Variants in RLIM observed in about 807,000 individuals in gnomAD.
RLIM encodes the protein ring finger protein, LIM domain interacting.
In RLIM, 2 loss-of-function variants were observed where a neutral mutation model predicts 34.0. The observed-to-expected ratio is 0.06, with a 90% CI of 0.02 to 0.19. The LOEUF (loss-of-function observed/expected upper bound fraction) is 0.19. RLIM is among the 10% of genes least tolerant of loss of function. RLIM has a pLI of 1.00. For missense variants in RLIM, 286 were observed against 479.7 expected (o/e 0.60, Z 3.77); for synonymous variants, 169 against 164.0 (o/e 1.03, Z -0.23).
At chrX:74,599,486 C>T (rs906791704) in intron 1 of RLIM, among the ~76,000 whole-genome samples, 2 of 111,901 alleles carry the variant, frequency 1.8e-5, no homozygotes, top group East Asian at 5.6e-4. Context: ...CCCTCAAATT[C>T]ACATGTTGAA....
intron 2 of RLIM, among the ~76,000 whole-genome samples, chrX:74,595,298 A>C (rs1249979027): frequency 8.9e-6 from 1 of 111,988 alleles, no homozygotes; most frequent in African/African-American, 3.2e-5. Flanking sequence ...AAGTAGAATT[A>C]AACAGAAATG....
At chrX:74,612,471 A>T (rs532267409) in intron 1 of RLIM, 12 of 111,632 alleles carry the variant, frequency 1.1e-4, no homozygotes, top group Non-Finnish European at 2.3e-4. Flanking sequence ...ACCATCTAAC[A>T]TCTATCAATG....
In RLIM at chrX:74,588,874, G is replaced by C. The variant is rs1000923789; in HGVS notation, c.*2566C>G. The C allele has an allele frequency of 8.9e-6, 1 of 112,066 alleles. No individual in the cohort carries two copies. Among genetic ancestry groups the C allele is most frequent in the Non-Finnish European group, 1.9e-5 (1 of 53,242 alleles). 9.2% of individuals were successfully genotyped at this position (112,066 alleles called of 1,213,427 possible). A position where few individuals can be genotyped will look rare whatever the true frequency, so the allele number is the denominator to read the frequency against. On this transcript the variant is annotated 3_prime_UTR_variant, in exon 4 of 4. Coordinates refer to ENST00000332687, the MANE Select transcript of RLIM (RefSeq NM_016120.4). ...CTTGTCTTCAATGTCCACAACACTA[G>C]TAAGCATGTAATAATCACGGACATC...
rs1055412493 is a variant in RLIM, at chrX:74,602,863, A to C, written c.-23-6863T>G. ...AAAAATGGACACAATTACCATCTTCAAATATTTAGAGAGGAATAACATGAA... is the reference window on the plus strand; with the variant it reads ...AAAAATGGACACAATTACCATCTTCCAATATTTAGAGAGGAATAACATGAA... On this transcript the variant is annotated intron_variant, in intron 1 of 3. Coordinates refer to ENST00000332687, the MANE Select transcript of RLIM (RefSeq NM_016120.4). Among the ~76,000 whole-genome samples the C allele has an allele frequency of 2.7e-5, 3 of 111,486 alleles. No individual in the cohort carries two copies. The Admixed American group carries it at 2.9e-4, about 11-fold the overall frequency.
intron 1 of RLIM, among the ~76,000 whole-genome samples, chrX:74,598,506 C>T (rs1036312678): frequency 6.4e-5 from 7 of 109,954 alleles, no homozygotes; most frequent in Admixed American, 1.9e-4. Context: ...TTGCCAGGCG[C>T]GGTGGCTCAC....
rs1174330017 is a variant in RLIM, at chrX:74,590,543, G to T, written c.*897C>A. On this transcript the variant is annotated 3_prime_UTR_variant, in exon 4 of 4. Coordinates refer to ENST00000332687, the MANE Select transcript of RLIM (RefSeq NM_016120.4). ...CTTTCCTTTGCATGTCACAGTAGCT[G>T]TTCACACATTAAATATTATAGATAT... 3.6e-5 allele frequency: 4 copies of T among 112,396 alleles called. No homozygotes were observed. The highest frequency in any genetic ancestry group is 7.5e-5 in the Non-Finnish European group (4 of 53,263). The allele number at this position is 112,396 out of a possible 1,213,427, so 9.3% of individuals were successfully genotyped here. A position where few individuals can be genotyped will look rare whatever the true frequency, so the allele number is the denominator to read the frequency against.
Position 74,592,654 on chromosome X carries a change from T to A in RLIM, c.661A>T (p.Thr221Ser). The change falls in exon 4 of 4, where the codon ACC becomes TCC. Residue 221 changes from threonine (T) to serine (S), a missense_variant. Physicochemically the swap from Thr to Ser is moderately conservative, Grantham distance 58 (BLOSUM62 1). This residue lies in a region of RLIM where 121 missense variants were observed against 182.4 expected (regional missense o/e 0.66). Transcript: ENST00000332687. ...ARSRSPDHRR[T>S]RARAERSRSP... ...CTACTTCTTTCAGCTCTTGCTCTGG[T>A]TCTCCGATGGTCTGGGCTCCTGCTT... 1.7e-6 allele frequency: 2 copies of A among 1,211,803 alleles called. No individual in the cohort carries two copies. Among genetic ancestry groups the A allele is most frequent in the Non-Finnish European group, 2.2e-6 (2 of 895,425 alleles).
chrX:74,601,880 GCCTC>G (rs1324609701), intron 1 of RLIM, among the ~76,000 whole-genome samples: 27 of 111,647 alleles, frequency 2.4e-4, no homozygotes, highest in Middle Eastern at 9.2e-3. Flanking sequence ...TTTTTATTAA[GCCTC>G]CAGGTGATGT....
intron 1 of RLIM, among the ~76,000 whole-genome samples, chrX:74,612,202 G>C (rs181883461): frequency 8.9e-6 from 1 of 111,814 alleles, no homozygotes; most frequent in African/African-American, 3.2e-5. Flanking sequence ...TTATACTCTC[G>C]TAAGCTATTC....
At chrX:74,608,427 TAA>T (rs763197483) in intron 1 of RLIM, among the ~76,000 whole-genome samples, 1,698 of 77,831 alleles carry the variant, frequency 0.022, 46 homozygotes, top group African/African-American at 0.072. Flanking sequence ...AAAGCATTCC[TAA>T]AAAAAAAAAA....
At chrX:74,593,692 G>C (rs1044908277) in intron 3 of RLIM, among the ~76,000 whole-genome samples, 13 of 112,602 alleles carry the variant, frequency 1.2e-4, no homozygotes, top group African/African-American at 3.9e-4. Context: ...GCATGTTCAA[G>C]AACCAAATTA....
Position 74,592,368 on chromosome X carries a change from G to A in RLIM, c.947C>T (p.Pro316Leu). 1 of 1,211,592 alleles carries A rather than the reference G, an allele frequency of 8.3e-7. No homozygotes were observed. Among genetic ancestry groups the A allele is most frequent in the Non-Finnish European group, 1.1e-6 (1 of 895,495 alleles). Residue 316 changes from proline (P) to leucine (L), a missense_variant, in exon 4 of 4, where the codon CCT becomes CTT. By Grantham distance (98) the Pro-to-Leu change is moderately conservative (BLOSUM62 -3). Around this residue, in one of 6 missense-constraint regions of RLIM, gnomAD observed 121 missense variants for 182.4 expected, o/e 0.66. Coordinates refer to ENST00000332687, the MANE Select transcript of RLIM (RefSeq NM_016120.4). ...SGESTGSGQR[P>L]PTIVLDLQVR... ...TTGAAGATCAAGGACTATGGTTGGAGGTCTCTGTCCTGATCCTGTAGATTC... is the reference window on the plus strand; with the variant it reads ...TTGAAGATCAAGGACTATGGTTGGAAGTCTCTGTCCTGATCCTGTAGATTC...
chrX:74,586,183 G>A lies in RLIM; in HGVS notation c.*5257C>T, dbSNP rs1042895266. 2 of 112,105 alleles carry A rather than the reference G, an allele frequency of 1.8e-5. No homozygotes were observed. Among genetic ancestry groups the A allele is most frequent in the Admixed American group, 1.9e-4 (2 of 10,501 alleles). 9.2% of individuals were successfully genotyped at this position (112,105 alleles called of 1,213,427 possible). On this transcript the variant is annotated 3_prime_UTR_variant, in exon 4 of 4. Transcript: ENST00000332687. ...AAAAGCAGCACCAGGGACAAATGGA[G>A]CTATCAAGAGGTAAAATCCAAACAC...
chrX:74,609,220 G>C (rs1418548774), intron 1 of RLIM, among the ~76,000 whole-genome samples: 2 of 110,489 alleles, frequency 1.8e-5, no homozygotes, highest in Non-Finnish European at 3.8e-5. Flanking sequence ...GGGTGCGGTG[G>C]CTCACGCCTG....
At position 74,598,841 on chromosome X, in the gene RLIM, C is replaced by T. The variant is rs1161463798; in HGVS notation, c.-23-2841G>A. Among the ~76,000 whole-genome samples the T allele has an allele frequency of 3.7e-5, 4 of 109,104 alleles. No individual in the cohort carries two copies. The East Asian group carries it at 1.1e-3, about 31-fold the overall frequency. The allele number at this position is 109,104 out of a possible 115,157, so 94.7% of individuals were successfully genotyped here. On this transcript the variant is annotated intron_variant, in intron 1 of 3. Transcript: ENST00000332687. ...CTATATATGCTTCACTAAAATCATACACTTGTGGATTGCTTAAGATAGCAA... is the reference window on the plus strand; with the variant it reads ...CTATATATGCTTCACTAAAATCATATACTTGTGGATTGCTTAAGATAGCAA...
intron 1 of RLIM, chrX:74,612,587 T>A (rs1046829757): frequency 2.7e-5 from 3 of 111,517 alleles, no homozygotes; most frequent in African/African-American, 9.8e-5. Context: ...ATTACCTGAC[T>A]GTTATGACAT....
At chrX:74,612,690 C>T (rs2079716689) in intron 1 of RLIM, 1 of 110,366 alleles carries the variant, frequency 9.1e-6, no homozygotes, top group South Asian at 3.7e-4. Flanking sequence ...AAAAGATACA[C>T]ATTTTCTTTG....
intron 1 of RLIM, among the ~76,000 whole-genome samples, chrX:74,609,315 G>A (rs1037971752): frequency 1.0e-4 from 11 of 107,933 alleles, no homozygotes; most frequent in Non-Finnish European, 1.7e-4. Context: ...GTGAAACCCC[G>A]TCTCTACTAA....
chrX:74,596,857 G>A (rs1466422804), intron 1 of RLIM, among the ~76,000 whole-genome samples: 3 of 111,165 alleles, frequency 2.7e-5, no homozygotes, highest in African/African-American at 9.8e-5. Context: ...AAAAAAAACT[G>A]AGTATACACT....
Sources: allele counts gnomAD v4.1 joint callset (sites outside exome capture counted in the v4.1 genomes callset), GRCh38; gene constraint gnomAD v4.1.1; regional missense constraint gnomAD v4.1.1; transcripts MANE v1.5; gene names NCBI Gene and HGNC (gene_info 2026-07-23, HGNC 2026-07-21).